The following RTN4 variants were observed in gnomAD, a reference collection of about 807,000 sequenced individuals.
The protein encoded by RTN4 is reticulon-4.
A neutral mutation model predicts 90.4 loss-of-function variants in RTN4; 32 were observed. The ratio of observed to expected loss-of-function variants is 0.35; its 90% CI spans 0.27 to 0.48. RTN4 has a LOEUF of 0.48. RTN4 is among the 20% of genes least tolerant of loss of function. The pLI, the probability that RTN4 is intolerant of heterozygous loss-of-function variation, is 0.99. For synonymous variants in RTN4, 629 were observed against 552.5 expected, an observed-to-expected ratio of 1.14 and a Z score of -1.94; for missense variants, 1,706 against 1,430.2, an observed-to-expected ratio of 1.19 and a Z score of -3.11.
At chr2:54,994,828 C>T (rs938805492) in intron 3 of RTN4, among the ~76,000 whole-genome samples, 3 of 152,196 alleles carry the variant, frequency 2.0e-5, no homozygotes, top group Non-Finnish European at 4.4e-5. Context: ...TTGAGGATAG[C>T]TTTCTGGAAA....
chr2:55,066,693 AAAATAAATAAATAAATAAAT>A (rs201230678), intron 2 of RTN4, among the ~76,000 whole-genome samples: 2 of 145,434 alleles, frequency 1.4e-5, no homozygotes, highest in South Asian at 4.4e-4. Context: ...CTCCATCTCA[AAAATAAATAAATAAATAAAT>A]AAATAAATAA....
chr2:55,069,960 G>A lies in RTN4; in HGVS notation c.-63+10529C>T, dbSNP rs552078320. ...AGGGATGAAGAATTAAGAGAAAGCA[G>A]CAAATGTGGGGTAAAAGATGGCACA... On this transcript the variant is annotated intron_variant, in intron 2 of 3. Transcript: ENST00000427710. 1.6e-4 allele frequency among the ~76,000 whole-genome samples: 24 copies of A among 152,288 alleles called. No homozygotes were observed. In the East Asian group the frequency reaches 4.6e-3, roughly 29 times the overall value.
chr2:54,975,369 T>C (rs147125535), intron 5 of RTN4, among the ~76,000 whole-genome samples: 1 of 152,336 alleles, frequency 6.6e-6, no homozygotes, highest in East Asian at 1.9e-4. Context: ...TGGCAATCAC[T>C]TTGACCTACT....
chr2:54,974,899 C>G (rs2104601505), intron 5 of RTN4, 135 bp from the exon 6 acceptor site: 2 of 663,144 alleles, frequency 3.0e-6, no homozygotes, highest in South Asian at 3.7e-5. Flanking sequence ...GTACCATGAG[C>G]AGTTCACTAT....
the RTN4 span, among the ~76,000 whole-genome samples, chr2:55,135,573 C>T: frequency 6.6e-6 from 1 of 152,136 alleles, no homozygotes. Flanking sequence ...CATTCTGCTT[C>T]TTTTTTTACA....
chr2:54,974,875 G>C (rs888170309), intron 5 of RTN4, 111 bp from the exon 6 acceptor site: 30 of 804,678 alleles, frequency 3.7e-5, no homozygotes, highest in Non-Finnish European at 5.5e-5. Flanking sequence ...CATACAACTT[G>C]AAGACTGGGT....
At chr2:55,009,288 G>C (rs1442316241) in intron 3 of RTN4, among the ~76,000 whole-genome samples, 1 of 152,000 alleles carries the variant, frequency 6.6e-6, no homozygotes, top group Non-Finnish European at 1.5e-5. Flanking sequence ...TTTATTATAA[G>C]TGGTCAGATA....
Position 55,025,610 on chromosome 2 carries a change from A to G in RTN4, c.2489T>C (p.Leu830Ser). 1 of 1,613,570 alleles carries G rather than the reference A, an allele frequency of 6.2e-7. No homozygotes were observed. The highest frequency in any genetic ancestry group is 1.1e-5 in the South Asian group (1 of 91,030). ...STLSKKEKIP[L>S]QMEELSTAVY... is the part of the protein sequence containing the mutation. The stretch of plus-strand genomic sequence containing the variant: ...TGCAGTACTGAGCTCCTCCATCTGC[A>G]AAGGAATTTTCTCCTTTTTGCTCAA... The change falls in exon 3 of 9, where the codon TTG (leucine) becomes TCG (serine). Residue 830 changes from leucine to serine, a missense_variant. By Grantham distance (145) the Leu-to-Ser change is moderately radical. Transcript: ENST00000337526.
At chr2:55,092,678 C>G (rs1668961194) in intron 1 of RTN4, among the ~76,000 whole-genome samples, 1 of 152,216 alleles carries the variant, frequency 6.6e-6, no homozygotes, top group African/African-American at 2.4e-5. Context: ...ATTGTGGCAC[C>G]TGGTAAAAGC....
chr2:55,126,947 G>C, the RTN4 span, among the ~76,000 whole-genome samples: 55 of 152,274 alleles, frequency 3.6e-4, no homozygotes, highest in Admixed American at 1.2e-3. Flanking sequence ...TCACTTATAA[G>C]TGGCAGCTAA....
chr2:55,100,431 T>C (rs930469818), intron 1 of RTN4, among the ~76,000 whole-genome samples: 10 of 152,138 alleles, frequency 6.6e-5, no homozygotes, highest in African/African-American at 2.4e-4. Context: ...AGCCCATTCA[T>C]ATTATGAAAT....
chr2:55,037,195 T>A (rs1682749817), intron 1 of RTN4, among the ~76,000 whole-genome samples: 1 of 152,180 alleles, frequency 6.6e-6, no homozygotes, highest in South Asian at 2.1e-4. Flanking sequence ...ACAAAACTGC[T>A]ATACTGAAAC....
intron 3 of RTN4, among the ~76,000 whole-genome samples, chr2:55,011,474 C>A (rs1182606427): frequency 2.0e-5 from 3 of 152,112 alleles, no homozygotes; most frequent in Non-Finnish European, 4.4e-5. Flanking sequence ...TCTGCCTAAG[C>A]AGAAAAGGCA....
chr2:55,082,462 A>G (rs1469549102), intron 1 of RTN4, among the ~76,000 whole-genome samples: 2 of 152,174 alleles, frequency 1.3e-5, no homozygotes, highest in Non-Finnish European at 2.9e-5. Flanking sequence ...CATCCCCAGC[A>G]AGCCCAGCCT....
intron 2 of RTN4, among the ~76,000 whole-genome samples, chr2:55,070,838 G>A (rs1018960223): frequency 1.3e-5 from 2 of 151,680 alleles, no homozygotes; most frequent in Non-Finnish European, 2.9e-5. Flanking sequence ...GTACAGTGGT[G>A]CGATCTCGGC....
intron 3 of RTN4, among the ~76,000 whole-genome samples, chr2:55,013,629 G>A (rs1000458529): frequency 1.6e-5 from 2 of 127,962 alleles, no homozygotes; most frequent in Non-Finnish European, 3.3e-5. Flanking sequence ...GAGGGTGTAG[G>A]GGGGGTGGTA....
rs1326832798 is a variant in RTN4 at position 55,013,599 on chromosome 2, G to GT, written c.3013+11486dup. Among the ~76,000 whole-genome samples, 263 of 68,212 alleles carry GT rather than the reference G, an allele frequency of 3.9e-3. 9 individuals carry two copies. Among genetic ancestry groups the GT allele is most frequent in the Middle Eastern group, 7.8e-3 (1 of 128 alleles). 44.7% of individuals were successfully genotyped at this position (68,212 alleles called of 152,430 possible). ...AAACTGTGTGTATGTTTTTTGGTGG[G>GT]TTTTTTTTTGGGGGGGGGGGAGGGT... is the stretch of plus-strand genomic sequence containing the variant. On this transcript the variant is annotated intron_variant, in intron 3 of 8. Transcript: ENST00000337526.
chr2:55,098,821 T>G (rs1163874766), intron 1 of RTN4, among the ~76,000 whole-genome samples: 1 of 152,158 alleles, frequency 6.6e-6, no homozygotes, highest in Non-Finnish European at 1.5e-5. Flanking sequence ...GTAGAGTTTC[T>G]CATAGTCTAG....
intron 4 of RTN4, among the ~76,000 whole-genome samples, chr2:54,986,604 A>G (rs1333923270): frequency 1.3e-5 from 2 of 152,222 alleles, no homozygotes; most frequent in East Asian, 3.8e-4. Context: ...ATATGAGATG[A>G]AAACAAAGAT....
Sources: gnomAD v4.1 joint callset for allele counts (sites outside exome capture counted in the v4.1 genomes callset) on GRCh38, gnomAD v4.1.1 for gene constraint, MANE v1.5 for transcripts, NCBI Gene and HGNC (gene_info 2026-07-23, HGNC 2026-07-21) for gene names.